TXLNB: variants seen among roughly 807,000 people sequenced by gnomAD.
TXLNB encodes the protein beta-taxilin.
TXLNB carries 37 observed loss-of-function variants against 57.4 expected under a neutral mutation model. The ratio of observed to expected loss-of-function variants is 0.64; its 90% CI spans 0.50 to 0.85. The LOEUF is 0.85. Ranked by LOEUF, TXLNB falls within the 40% of genes least tolerant of loss-of-function variation. The pLI is 0.00. For missense variants in TXLNB, 848 were observed against 825.6 expected (o/e 1.03, Z -0.33); for synonymous variants, 302 against 309.6 (o/e 0.98, Z 0.26).
At chr6:139,201,105 C>A in the TXLNB span, among the ~76,000 whole-genome samples, 1 of 152,218 alleles carries the variant, frequency 6.6e-6, no homozygotes, top group Non-Finnish European at 1.5e-5. Flanking sequence ...TTTTACTTTA[C>A]ATTGAAATAA....
chr6:139,296,237 T>TACACA (rs1162981232), upstream of TXLNB, among the ~76,000 whole-genome samples: 3 of 152,218 alleles, frequency 2.0e-5, no homozygotes, highest in East Asian at 5.8e-4. Flanking sequence ...TATGGGAGAC[T>TACACA]GTGTGTGTGC....
At chr6:139,317,063 G>A in the TXLNB span, among the ~76,000 whole-genome samples, 1 of 152,158 alleles carries the variant, frequency 6.6e-6, no homozygotes, top group Non-Finnish European at 1.5e-5. Flanking sequence ...CGATAAAGCA[G>A]AAAGTGGAAG....
At chr6:139,320,391 C>T in the TXLNB span, among the ~76,000 whole-genome samples, 1 of 152,160 alleles carries the variant, frequency 6.6e-6, no homozygotes, top group Non-Finnish European at 1.5e-5. Context: ...GAGACAATTG[C>T]CTTCCTTGCT....
the TXLNB span, among the ~76,000 whole-genome samples, chr6:139,196,364 G>GTTTTTTT: frequency 5.8e-5 from 5 of 86,742 alleles, 2 homozygotes; most frequent in Non-Finnish European, 1.1e-4. Context: ...CTCCAGATCT[G>GTTTTTTT]GTTTTTTTTT....
chr6:139,235,975 T>C (rs1775832108), downstream of TXLNB, among the ~76,000 whole-genome samples: 1 of 152,040 alleles, frequency 6.6e-6, no homozygotes. Context: ...AATGTGGAAT[T>C]TGGCTGGGGA....
the TXLNB span, among the ~76,000 whole-genome samples, chr6:139,322,469 A>C: frequency 6.6e-6 from 1 of 152,276 alleles, no homozygotes; most frequent in Middle Eastern, 3.4e-3. Flanking sequence ...AGCCTTCATG[A>C]ACTAAACACC....
At chr6:139,288,335 G>T in intron 2 of TXLNB, 141 bp downstream of exon 2, 1 of 820,202 alleles carries the variant, frequency 1.2e-6, no homozygotes, top group Non-Finnish European at 1.9e-6. Flanking sequence ...AAGGGCTGGG[G>T]ACAAATACAA....
chr6:139,306,373 G>A, the TXLNB span, among the ~76,000 whole-genome samples: 4 of 152,174 alleles, frequency 2.6e-5, 1 homozygote, highest in Middle Eastern at 6.3e-3. Context: ...GCTCACAGAT[G>A]GAAAGGGTCA....
chr6:139,277,695 T>C (rs1322575405), intron 2 of TXLNB, among the ~76,000 whole-genome samples: 1 of 152,032 alleles, frequency 6.6e-6, no homozygotes, highest in African/African-American at 2.4e-5. Flanking sequence ...CAGTTTCATT[T>C]TGTTTCCAGT....
chr6:139,316,311 A>G, the TXLNB span, among the ~76,000 whole-genome samples: 12 of 152,172 alleles, frequency 7.9e-5, no homozygotes, highest in Non-Finnish European at 1.6e-4. Flanking sequence ...CACCTTTAAT[A>G]TCTGATCACC....
At chr6:139,219,773 C>T in the TXLNB span, among the ~76,000 whole-genome samples, 7,624 of 149,272 alleles carry the variant, frequency 0.051, 286 homozygotes, top group Middle Eastern at 0.078. Context: ...CATCTTGAAA[C>T]CAAGTCAGCA....
intron 4 of TXLNB, among the ~76,000 whole-genome samples, chr6:139,268,058 G>C (rs1776659345): frequency 6.7e-6 from 1 of 149,918 alleles, no homozygotes; most frequent in African/African-American, 2.5e-5. Flanking sequence ...GGCTAAGGCA[G>C]AGAATTGCTT....
At chr6:139,161,920 TCA>T in the TXLNB span, among the ~76,000 whole-genome samples, 1 of 152,248 alleles carries the variant, frequency 6.6e-6, no homozygotes, top group African/African-American at 2.4e-5. Context: ...GTGAATTTAC[TCA>T]GTTTCAAACC....
chr6:139,292,190 A>G (rs1163410067), upstream of TXLNB: 4 of 152,310 alleles, frequency 2.6e-5, no homozygotes, highest in Admixed American at 6.5e-5. This position sits in a 1 kb window ranked among gnomAD's most constrained non-coding sequence, Gnocchi z 4.0. Context: ...CAAGGGGAAA[A>G]TACACCCAAG....
At chr6:139,293,130 C>A (rs188107925), upstream of TXLNB, among the ~76,000 whole-genome samples, 4 of 152,256 alleles carry the variant, frequency 2.6e-5, no homozygotes, top group Non-Finnish European at 4.4e-5. Context: ...CAGAGTCTCG[C>A]TCTGTCACTC....
the TXLNB span, among the ~76,000 whole-genome samples, chr6:139,321,589 T>G: frequency 6.6e-6 from 1 of 150,652 alleles, no homozygotes; most frequent in Non-Finnish European, 1.5e-5. Context: ...TACAGAGACT[T>G]CTGAAAACTT....
At chr6:139,318,086 A>G in the TXLNB span, among the ~76,000 whole-genome samples, 2 of 151,788 alleles carry the variant, frequency 1.3e-5, no homozygotes, top group African/African-American at 4.8e-5. Context: ...TGGCTAACAC[A>G]GTGAAACCCC....
chr6:139,223,075 C>T, the TXLNB span, among the ~76,000 whole-genome samples: 47 of 152,268 alleles, frequency 3.1e-4, no homozygotes, highest in African/African-American at 1.1e-3. Context: ...GTATGCAAAA[C>T]TATGTAGTTT....
the TXLNB span, among the ~76,000 whole-genome samples, chr6:139,165,308 A>C: frequency 2.0e-5 from 3 of 152,306 alleles, no homozygotes; most frequent in East Asian, 5.8e-4. Context: ...AACTGGAGGT[A>C]TAGAGTGTTC....
Sources: allele counts gnomAD v4.1 joint callset (sites outside exome capture counted in the v4.1 genomes callset), GRCh38; gene constraint gnomAD v4.1.1; non-coding constraint Gnocchi (gnomAD v3.1); transcripts MANE v1.5; gene names NCBI Gene and HGNC (gene_info 2026-07-23, HGNC 2026-07-21).